Variants in TIAM2 observed in about 807,000 individuals in gnomAD.
The protein encoded by TIAM2 is TIAM Rac1 associated GEF 2.
In TIAM2, 80 loss-of-function variants were observed where a neutral mutation model predicts 152.9. That is an observed-to-expected ratio of 0.52 (90% CI 0.44 to 0.63). The LOEUF (loss-of-function observed/expected upper bound fraction) is 0.63. Among genes scored for constraint, TIAM2 ranks in the 30% least tolerant of loss-of-function variants. TIAM2 has a pLI of 0.00. For missense variants in TIAM2, 1,965 were observed against 2,120.1 expected, an observed-to-expected ratio of 0.93 and a Z score of 1.44; for synonymous variants, 804 against 838.0, an observed-to-expected ratio of 0.96 and a Z score of 0.70.
rs1273020411 is a variant in TIAM2 at position 155,012,616 on chromosome 6, T to A, written c.-209+17124T>A. Among the ~76,000 whole-genome samples the A allele has an allele frequency of 2.0e-5, 3 of 152,340 alleles. No homozygotes were observed. In the East Asian group the frequency reaches 5.8e-4, roughly 29 times the overall value. The stretch of plus-strand genomic sequence containing the variant: ...CCCAGGCTGGAGTGCAGTGGCGTGA[T>A]CTTGGCTCACTGCACCCTCTACCTT... On this transcript the variant is annotated intron_variant, in intron 1 of 26. Coordinates refer to ENST00000682666, the MANE Select transcript of TIAM2 (RefSeq NM_012454.4).
intron 1 of TIAM2, among the ~76,000 whole-genome samples, chr6:155,033,014 T>C (rs1317171774): frequency 6.6e-6 from 1 of 152,224 alleles, no homozygotes; most frequent in East Asian, 1.9e-4. Flanking sequence ...CTGTTGTCCA[T>C]GTTGGTGCTC....
At chr6:155,089,905 CTCTG>C (rs56387448) in intron 1 of TIAM2, among the ~76,000 whole-genome samples, 14,486 of 152,180 alleles carry the variant, frequency 0.095, 873 homozygotes, top group South Asian at 0.21. Context: ...AGTAGGCTTG[CTCTG>C]TCTGTCAATC....
chr6:155,029,150 G>A (rs1368467779), intron 1 of TIAM2, among the ~76,000 whole-genome samples: 6 of 111,930 alleles, frequency 5.4e-5, no homozygotes, highest in African/African-American at 1.3e-4. Context: ...TACACTATAT[G>A]TACTATGTGT....
chr6:155,145,710 T>C (rs1779806463), intron 6 of TIAM2, among the ~76,000 whole-genome samples: 1 of 152,026 alleles, frequency 6.6e-6, no homozygotes, highest in Non-Finnish European at 1.5e-5. Flanking sequence ...AGATCTCTCA[T>C]AAGGATGGTC....
chr6:155,130,483 A>G, intron 4 of TIAM2, 66 bp downstream of exon 4: 1 of 1,448,470 alleles, frequency 6.9e-7, no homozygotes, highest in Non-Finnish European at 9.4e-7. Context: ...GGGGAAGGTT[A>G]GTAGAAGCCA....
In TIAM2 at chr6:155,129,748, C is replaced by T. The variant is rs777874907; in HGVS notation, c.525C>T (p.Val175=). ...GGAAGCTGGATGGGTGTTTAAGGGT[C>T]GAGTTCCACAATGGTGGCAACCCCA... ...TLGKLDGCLR[V]EFHNGGNPSK... is the part of the protein sequence containing the mutation. The change falls in exon 4 of 27, where the codon GTC becomes GTT. Residue 175 remains valine (V), a synonymous_variant. Transcript: ENST00000682666. This position sits in a 1 kb window ranked among gnomAD's most constrained non-coding sequence, Gnocchi z 4.8. The T allele has an allele frequency of 1.7e-5, 28 of 1,613,858 alleles. No homozygotes were observed. Among genetic ancestry groups the T allele is most frequent in the South Asian group, 3.3e-5 (3 of 91,074 alleles).
chr6:155,220,260 G>A (rs1781996565), intron 15 of TIAM2, among the ~76,000 whole-genome samples: 1 of 152,226 alleles, frequency 6.6e-6, no homozygotes, highest in Non-Finnish European at 1.5e-5. Context: ...TCAGACATGG[G>A]GTGTTGAGTT....
At chr6:155,047,665 GAGGAGAGAGA>G (rs1777208638) in intron 1 of TIAM2, among the ~76,000 whole-genome samples, 1 of 77,722 alleles carries the variant, frequency 1.3e-5, no homozygotes, top group African/African-American at 4.6e-5. Flanking sequence ...GAGAGAGAGA[GAGGAGAGAGA>G]GAGAGAGAGA....
rs574125218 is a variant in TIAM2 at position 155,179,373 on chromosome 6, T to C, written c.2629-5T>C. The stretch of plus-strand genomic sequence containing the variant: ...CTCTGATTTTGTTGTTTTCACCTTT[T>C]GCAGGTTTATGATGAAATAGAAGTC... On this transcript the variant is annotated splice_polypyrimidine_tract_variant and splice_region_variant and intron_variant, in intron 11 of 26. Transcript: ENST00000682666. 18 of 1,613,574 alleles carry C rather than the reference T, an allele frequency of 1.1e-5. No individual in the cohort carries two copies. The African/African-American group carries it at 2.3e-4, about 20-fold the overall frequency.
At chr6:155,236,265 CA>C (rs1399180372) in intron 15 of TIAM2, among the ~76,000 whole-genome samples, 1 of 151,896 alleles carries the variant, frequency 6.6e-6, no homozygotes, top group East Asian at 1.9e-4. Context: ...CTGGAGCCAG[CA>C]CCACTCCCAG....
Position 155,240,535 on chromosome 6 carries a change from T to A in TIAM2, c.3174T>A (p.Ala1058=). The stretch of plus-strand genomic sequence containing the variant: ...CACCTCTTGTCCTCTCTCAGAGTGC[T>A]GAGCAGATCACTGCACTGTGCAGGA... ...REKMEQTFRS[A]EQITALCRSF... Residue 1058 remains alanine (A), a synonymous_variant, in exon 16 of 27, where the codon GCT becomes GCA. Coordinates refer to ENST00000682666, the MANE Select transcript of TIAM2 (RefSeq NM_012454.4). The A allele has an allele frequency of 6.2e-7, 1 of 1,610,784 alleles. No homozygotes were observed. The highest frequency in any genetic ancestry group is 8.5e-7 in the Non-Finnish European group (1 of 1,177,698).
rs1403350182 is a variant in TIAM2 at position 155,129,369 on chromosome 6, G to A, written c.146G>A (p.Gly49Glu). Reference sequence around the variant, plus strand: ...AAGTCATTGCATGGATGGGGTCACGGAAGCAACGGAGCAGGTTACAAGTCC... The same window carrying A: ...AAGTCATTGCATGGATGGGGTCACGAAAGCAACGGAGCAGGTTACAAGTCC... ...EEKSLHGWGHGSNGAGYKSRS... is the reference protein window; with the variant it reads ...EEKSLHGWGHESNGAGYKSRS... Residue 49 changes from glycine to glutamate, a missense_variant, in exon 4 of 27, where the codon GGA (glycine) becomes GAA (glutamate). Gly to Glu is a moderately conservative substitution (Grantham distance 98). Transcript: ENST00000682666. The surrounding 1 kb of genome is among the most constrained non-coding windows in gnomAD (Gnocchi z 4.8). The A allele has an allele frequency of 1.2e-6, 2 of 1,614,062 alleles. No individual in the cohort carries two copies. The highest frequency in any genetic ancestry group is 2.2e-5 in the East Asian group (1 of 44,896).
At position 155,156,830 on chromosome 6, in the gene TIAM2, G is replaced by A. The variant is rs1317681078; in HGVS notation, c.2029-7585G>A. On this transcript the variant is annotated intron_variant, in intron 7 of 26. Coordinates refer to ENST00000682666, the MANE Select transcript of TIAM2 (RefSeq NM_012454.4). The surrounding 1 kb of genome is among the most constrained non-coding windows in gnomAD (Gnocchi z 4.4). Reference sequence around the variant, plus strand: ...CTCAGGCAGAGAGGACTCCTGTGCTGTGCACAAATGTGCCCTGCTCCCCTC... The same window carrying A: ...CTCAGGCAGAGAGGACTCCTGTGCTATGCACAAATGTGCCCTGCTCCCCTC... Among the ~76,000 whole-genome samples the A allele has an allele frequency of 6.6e-6, 1 of 152,094 alleles. No homozygotes were observed. The highest frequency in any genetic ancestry group is 2.4e-5 in the African/African-American group (1 of 41,416).
chr6:155,043,504 C>T (rs373626469), intron 1 of TIAM2, among the ~76,000 whole-genome samples: 33 of 151,766 alleles, frequency 2.2e-4, no homozygotes, highest in Non-Finnish European at 4.0e-4. Flanking sequence ...CATGGTGGTG[C>T]GTACCTGTAA....
intron 1 of TIAM2, among the ~76,000 whole-genome samples, chr6:155,009,327 C>T (rs1778449532): frequency 6.6e-6 from 1 of 151,988 alleles, no homozygotes; most frequent in African/African-American, 2.4e-5. Context: ...GTCTTGAACT[C>T]CTGAACTCAG....
intron 1 of TIAM2, among the ~76,000 whole-genome samples, chr6:155,048,559 G>A (rs914294425): frequency 1.7e-5 from 2 of 115,898 alleles, no homozygotes. Flanking sequence ...AAGGGAGAAT[G>A]GGGGTCAGGG....
At chr6:155,001,851 T>A (rs1271567029) in intron 1 of TIAM2, among the ~76,000 whole-genome samples, 1 of 152,258 alleles carries the variant, frequency 6.6e-6, no homozygotes, top group East Asian at 1.9e-4. Flanking sequence ...ATTTTGAAGC[T>A]TCTTTTGTCA....
intron 2 of TIAM2, among the ~76,000 whole-genome samples, chr6:155,111,236 A>G (rs1165605965): frequency 6.6e-6 from 1 of 152,058 alleles, no homozygotes; most frequent in Non-Finnish European, 1.5e-5. Flanking sequence ...GAGGAAACTC[A>G]TGACATTAGG....
chr6:155,220,363 C>G (rs1038664976), intron 15 of TIAM2, among the ~76,000 whole-genome samples: 2 of 152,170 alleles, frequency 1.3e-5, no homozygotes, highest in African/African-American at 4.8e-5. Context: ...ACACGTATGT[C>G]TAGGAGCAGA....
Sources: allele counts gnomAD v4.1 joint callset (sites outside exome capture counted in the v4.1 genomes callset), GRCh38; gene constraint gnomAD v4.1.1; non-coding constraint Gnocchi (gnomAD v3.1); transcripts MANE v1.5; gene names NCBI Gene and HGNC (gene_info 2026-07-23, HGNC 2026-07-21).